PLEKHA2: variants seen among roughly 807,000 people sequenced by gnomAD.
PLEKHA2 encodes pleckstrin homology domain containing A2.
A neutral mutation model predicts 53.2 loss-of-function variants in PLEKHA2; 28 were observed. The ratio of observed to expected loss-of-function variants is 0.53; its 90% CI spans 0.39 to 0.72. The LOEUF (loss-of-function observed/expected upper bound fraction) is 0.72. Among genes scored for constraint, PLEKHA2 ranks in the 30% least tolerant of loss-of-function variants. The probability of loss-of-function intolerance (pLI) is 0.00; values close to 1 mark genes in which losing one functional copy is unlikely to be tolerated. For missense variants in PLEKHA2, 426 were observed against 537.9 expected (o/e 0.79, Z 2.06); for synonymous variants, 193 against 196.4 (o/e 0.98, Z 0.14).
chr8:38,963,595 C>A (rs146462637), intron 10 of PLEKHA2, among the ~76,000 whole-genome samples: 194 of 152,240 alleles, frequency 1.3e-3, no homozygotes, highest in African/African-American at 4.4e-3. Context: ...GATTATAGGC[C>A]AGGCCTGGTG....
At chr8:38,958,829 A>G (rs1834989292) in intron 10 of PLEKHA2, among the ~76,000 whole-genome samples, 1 of 152,228 alleles carries the variant, frequency 6.6e-6, no homozygotes, top group African/African-American at 2.4e-5. Flanking sequence ...CAGGTTAAAC[A>G]GAACAGATCC....
chr8:38,913,964 G>A (rs950453525), intron 1 of PLEKHA2, among the ~76,000 whole-genome samples: 3 of 152,172 alleles, frequency 2.0e-5, no homozygotes, highest in African/African-American at 7.2e-5. Context: ...CATAATGGAA[G>A]GGTTGCTGCT....
intron 2 of PLEKHA2, among the ~76,000 whole-genome samples, chr8:38,931,603 G>A (rs1009409010): frequency 2.0e-5 from 3 of 152,230 alleles, no homozygotes; most frequent in Admixed American, 2.0e-4. Context: ...GTTGTTTGCC[G>A]GTGGTGGGCA....
intron 10 of PLEKHA2, 86 bp from the exon 11 acceptor site, chr8:38,968,506 T>C: frequency 7.5e-7 from 1 of 1,332,748 alleles, no homozygotes; most frequent in Non-Finnish European, 1.1e-6. Flanking sequence ...TGGTGTAATT[T>C]TATAAACTTA....
At chr8:38,940,041 C>T (rs980339407) in intron 3 of PLEKHA2, among the ~76,000 whole-genome samples, 1 of 147,164 alleles carries the variant, frequency 6.8e-6, no homozygotes, top group Non-Finnish European at 1.5e-5. Flanking sequence ...GCTGACCAAG[C>T]CATGACTGCA....
chr8:38,938,238 A>G (rs772665634), intron 3 of PLEKHA2, among the ~76,000 whole-genome samples: 1 of 152,194 alleles, frequency 6.6e-6, no homozygotes, highest in Non-Finnish European at 1.5e-5. Flanking sequence ...GATGAAATGC[A>G]TGGATGCCTT....
intron 9 of PLEKHA2, 45 bp downstream of exon 9, chr8:38,953,412 T>G: frequency 1.3e-6 from 2 of 1,507,006 alleles, no homozygotes; most frequent in Non-Finnish European, 1.8e-6. Flanking sequence ...CCTCCATTTG[T>G]CCTCTTAAAT....
At chr8:38,962,192 G>C (rs1588277609) in intron 10 of PLEKHA2, among the ~76,000 whole-genome samples, 1 of 152,212 alleles carries the variant, frequency 6.6e-6, no homozygotes, top group East Asian at 1.9e-4. Context: ...GGTTGTTTGC[G>C]AGCAGCCTGG....
chr8:38,940,650 C>CCGGGGG (rs1457989198), intron 3 of PLEKHA2, among the ~76,000 whole-genome samples: 1 of 56,942 alleles, frequency 1.8e-5, no homozygotes, highest in African/African-American at 8.2e-5. Context: ...ATTGAAGGGG[C>CCGGGGG]GGGGGGGGGG....
At position 38,972,271 on chromosome 8, in the gene PLEKHA2, T is replaced by G. The variant is rs1463712338; in HGVS notation, c.*2488T>G. On this transcript the variant is annotated 3_prime_UTR_variant, in exon 12 of 12. Transcript: ENST00000617275. ...GTGTGATCATAGTTCATCATAACTT[T>G]GAATCTCTGGGCTTAAGCAATCCTC... 1 of 152,088 alleles carries G rather than the reference T, an allele frequency of 6.6e-6. No individual in the cohort carries two copies. The highest frequency in any genetic ancestry group is 1.5e-5 in the Non-Finnish European group (1 of 68,010). 9.4% of individuals were successfully genotyped at this position (152,088 alleles called of 1,614,324 possible). A position where few individuals can be genotyped will look rare whatever the true frequency, so the allele number is the denominator to read the frequency against.
Position 38,950,945 on chromosome 8 carries a change from G to A in PLEKHA2, c.441G>A (p.Lys147=), listed in dbSNP as rs1203439868. 1 of 1,613,884 alleles carries A rather than the reference G, an allele frequency of 6.2e-7. No homozygotes were observed. Among genetic ancestry groups the A allele is most frequent in the African/African-American group, 1.3e-5 (1 of 74,948 alleles). ...ALEKKPQVAY[K]TEIIGGVVVH... ...AGAAGAAGCCACAGGTGGCCTACAAGACGGAGATCATTGGAGGGGTGGTGG... is the reference window on the plus strand; with the variant it reads ...AGAAGAAGCCACAGGTGGCCTACAAAACGGAGATCATTGGAGGGGTGGTGG... Residue 147 remains lysine, a synonymous_variant, in exon 6 of 12, where the codon AAG becomes AAA. Coordinates refer to ENST00000617275, the MANE Select transcript of PLEKHA2 (RefSeq NM_021623.2).
intron 11 of PLEKHA2, 108 bp from the exon 12 acceptor site, chr8:38,969,313 C>T (rs924164989): frequency 1.9e-5 from 25 of 1,323,286 alleles, no homozygotes; most frequent in African/African-American, 3.0e-5. Context: ...CATCCTTGGA[C>T]TTATGAGGTG....
At chr8:38,937,476 T>C (rs896531215) in intron 3 of PLEKHA2, among the ~76,000 whole-genome samples, 19 of 151,938 alleles carry the variant, frequency 1.3e-4, no homozygotes, top group Non-Finnish European at 2.1e-4. Flanking sequence ...AACCCTCTCC[T>C]GTGTGAGAGG....
Position 38,969,989 on chromosome 8 carries a change from C to T in PLEKHA2, c.*206C>T. The T allele has an allele frequency of 3.0e-6, 2 of 670,166 alleles. No individual in the cohort carries two copies. The highest frequency in any genetic ancestry group is 4.8e-6 in the Non-Finnish European group (2 of 413,208). 41.5% of individuals were successfully genotyped at this position (670,166 alleles called of 1,614,324 possible). On this transcript the variant is annotated 3_prime_UTR_variant, in exon 12 of 12. Coordinates refer to ENST00000617275, the MANE Select transcript of PLEKHA2 (RefSeq NM_021623.2). ...TGTGTGTGTGTGTGTAATATCAACG[C>T]AGTGTATTTAATTTGGGGAAGTCAC...
At chr8:38,939,861 G>A (rs1315760936) in intron 3 of PLEKHA2, among the ~76,000 whole-genome samples, 1 of 152,108 alleles carries the variant, frequency 6.6e-6, no homozygotes, top group Non-Finnish European at 1.5e-5. Context: ...TGAGGTGGGA[G>A]GATCGCTTGA....
At chr8:38,933,023 G>T (rs954477999) in intron 2 of PLEKHA2, among the ~76,000 whole-genome samples, 2 of 152,220 alleles carry the variant, frequency 1.3e-5, no homozygotes, top group Non-Finnish European at 2.9e-5. Flanking sequence ...AGCAGCCCTT[G>T]AGGGGCAGAG....
In PLEKHA2 at chr8:38,942,455, A is replaced by C. The variant is rs1172720767; in HGVS notation, c.199-1334A>C. On this transcript the variant is annotated intron_variant, in intron 3 of 11. Coordinates refer to ENST00000617275, the MANE Select transcript of PLEKHA2 (RefSeq NM_021623.2). ...TCCTGTCTCAAAGAAAGAAAACCCA[A>C]AAAAACCCCACAAACAAATAAAATA... 3.3e-5 allele frequency among the ~76,000 whole-genome samples: 5 copies of C among 152,172 alleles called. No individual in the cohort carries two copies. The East Asian group carries it at 5.8e-4, about 18-fold the overall frequency.
intron 11 of PLEKHA2, chr8:38,968,876 G>T: frequency 4.1e-6 from 2 of 485,380 alleles, no homozygotes; most frequent in South Asian, 3.6e-5. Context: ...GTGAGGTAGG[G>T]TTAGATAGAG....
intron 10 of PLEKHA2, among the ~76,000 whole-genome samples, chr8:38,960,500 G>GAAA (rs1487938883): frequency 6.6e-6 from 1 of 151,984 alleles, no homozygotes; most frequent in Non-Finnish European, 1.5e-5. Context: ...AAAAAAAAAT[G>GAAA]AGCAATCATA....
Sources: gnomAD v4.1 joint callset for allele counts (sites outside exome capture counted in the v4.1 genomes callset) on GRCh38, gnomAD v4.1.1 for gene constraint, MANE v1.5 for transcripts, NCBI Gene and HGNC (gene_info 2026-07-23, HGNC 2026-07-21) for gene names.